KIF21A: variants seen among roughly 807,000 people sequenced by gnomAD.
The protein encoded by KIF21A is kinesin family member 21A, also known as kinesin-like protein KIF21A.
A neutral mutation model predicts 202.9 loss-of-function variants in KIF21A; 114 were observed. The observed-to-expected ratio is 0.56, with a 90% CI of 0.48 to 0.66. The LOEUF (loss-of-function observed/expected upper bound fraction) is 0.66. Among genes scored for constraint, KIF21A ranks in the 30% least tolerant of loss-of-function variants. The pLI, the probability that KIF21A is intolerant of heterozygous loss-of-function variation, is 0.00. For missense variants in KIF21A, 1,677 were observed against 1,994.9 expected (o/e 0.84, Z 3.04); for synonymous variants, 667 against 670.8 (o/e 0.99, Z 0.09).
chr12:39,423,556 A>G (rs1954482787), intron 1 of KIF21A, among the ~76,000 whole-genome samples: 1 of 152,018 alleles, frequency 6.6e-6, no homozygotes, highest in South Asian at 2.1e-4. Flanking sequence ...TTTGTTAAAA[A>G]AAAAAAATGC....
At chr12:39,433,845 T>C (rs73094416) in intron 1 of KIF21A, among the ~76,000 whole-genome samples, 19 of 152,126 alleles carry the variant, frequency 1.2e-4, no homozygotes, top group Non-Finnish European at 2.8e-4. Context: ...AGAATAAGGA[T>C]CTTGGAAGTA....
rs763062854 is a variant in KIF21A at position 39,337,114 on chromosome 12, C to G, written c.2400G>C (p.Lys800Asn). The G allele has an allele frequency of 6.2e-6, 10 of 1,605,062 alleles. No individual in the cohort carries two copies. Among genetic ancestry groups the G allele is most frequent in the Non-Finnish European group, 8.5e-7 (1 of 1,173,214 alleles). ...RRNREIAQLK[K>N]DQRKRDHQLR... ...CACTTACATCTCTTTTACGTTGATC[C>G]TTTTTCAACTGAGCAATCTCTCTGT... is the stretch of plus-strand genomic sequence containing the variant. Residue 800 changes from lysine to asparagine, a missense_variant, in exon 17 of 38, where the codon AAG becomes AAC. Lys to Asn is a moderately conservative substitution (Grantham distance 94). Coordinates refer to ENST00000361418, the MANE Select transcript of KIF21A (RefSeq NM_001173464.2).
intron 11 of KIF21A, among the ~76,000 whole-genome samples, chr12:39,348,438 A>G (rs953657025): frequency 1.3e-5 from 2 of 152,092 alleles, no homozygotes; most frequent in Non-Finnish European, 2.9e-5. Context: ...AAAACCTCAC[A>G]TATTAGCTAT....
At chr12:39,304,004 T>A (rs80149868) in intron 35 of KIF21A, among the ~76,000 whole-genome samples, 2,281 of 152,330 alleles carry the variant, frequency 0.015, 47 homozygotes, top group African/African-American at 0.051. Flanking sequence ...ATCTATGATC[T>A]AACTCCTCCT....
chr12:39,441,587 G>A (rs1939587221), intron 1 of KIF21A, among the ~76,000 whole-genome samples: 1 of 129,970 alleles, frequency 7.7e-6, no homozygotes, highest in South Asian at 2.3e-4. Context: ...AACGAAGAAG[G>A]CCTAATTAAA....
chr12:39,338,496 T>C (rs752448834), intron 16 of KIF21A, among the ~76,000 whole-genome samples: 8 of 152,182 alleles, frequency 5.3e-5, no homozygotes, highest in Non-Finnish European at 1.2e-4. Flanking sequence ...ATTGATAAAG[T>C]CCACAGCAGT....
In KIF21A at chr12:39,340,188, C is replaced by G; in HGVS notation, c.2287G>C (p.Val763Leu). ...EKQLKKLQQD[V>L]MEMKKTKVRL... is the part of the protein sequence containing the mutation. ...ACCTTTGTTTTTTTCATTTCCATCA[C>G]ATCCTGCTGCAATTTCTTCAATTGC... Residue 763 changes from valine to leucine, a missense_variant, in exon 16 of 38, where the codon GTG (valine) becomes CTG (leucine). By Grantham distance (32) the Val-to-Leu change is conservative. Around this residue, in one of 3 missense-constraint regions of KIF21A, gnomAD observed 966 missense variants for 1,180.9 expected, o/e 0.82. Coordinates refer to ENST00000361418, the MANE Select transcript of KIF21A (RefSeq NM_001173464.2). The G allele has an allele frequency of 6.2e-7, 1 of 1,612,720 alleles. No individual in the cohort carries two copies. The highest frequency in any genetic ancestry group is 8.5e-7 in the Non-Finnish European group (1 of 1,179,328).
chr12:39,403,436 A>T (rs1388642547), intron 1 of KIF21A, among the ~76,000 whole-genome samples: 1 of 152,210 alleles, frequency 6.6e-6, no homozygotes, highest in Non-Finnish European at 1.5e-5. Flanking sequence ...CATATTTAAA[A>T]ATGTACACAC....
intron 36 of KIF21A, 120 bp downstream of exon 36, chr12:39,302,845 G>T: frequency 1.1e-6 from 1 of 883,850 alleles, no homozygotes; most frequent in Admixed American, 1.8e-5. Context: ...TTAAGAAAAA[G>T]GCCTGATTAA....
chr12:39,368,054 T>A (rs770914332), intron 3 of KIF21A, 22 bp from the exon 4 acceptor site: 2 of 1,489,450 alleles, frequency 1.3e-6, no homozygotes, highest in South Asian at 2.3e-5. Flanking sequence ...ATATTAGAAA[T>A]CTAATTTTAG....
At chr12:39,359,557 G>C (rs763407746) in intron 7 of KIF21A, among the ~76,000 whole-genome samples, 1 of 152,104 alleles carries the variant, frequency 6.6e-6, no homozygotes, top group Non-Finnish European at 1.5e-5. Flanking sequence ...TTTACTGGGG[G>C]TCAGAAAGTT....
At chr12:39,389,265 T>C (rs1334571681) in intron 1 of KIF21A, among the ~76,000 whole-genome samples, 1 of 150,984 alleles carries the variant, frequency 6.6e-6, no homozygotes, top group African/African-American at 2.4e-5. Flanking sequence ...AGAAAAATAG[T>C]TAATAATATT....
At chr12:39,300,687 A>C (rs941922046) in intron 37 of KIF21A, among the ~76,000 whole-genome samples, 3 of 151,182 alleles carry the variant, frequency 2.0e-5, no homozygotes, top group Non-Finnish European at 3.0e-5. Flanking sequence ...TTCAAAGTAC[A>C]TATATATATG....
At chr12:39,307,260 T>C (rs1483859263) in intron 34 of KIF21A, among the ~76,000 whole-genome samples, 1 of 152,152 alleles carries the variant, frequency 6.6e-6, no homozygotes, top group African/African-American at 2.4e-5. Flanking sequence ...AGGATGAGAA[T>C]CTTGACCTCT....
Position 39,358,161 on chromosome 12 carries a change from C to A in KIF21A, c.1215+17G>T. ...TTAGATGTATCACAAAATGCAAAGTCAAACTCATTAGCTTACTGTTTTGTA... is the reference window on the plus strand; with the variant it reads ...TTAGATGTATCACAAAATGCAAAGTAAAACTCATTAGCTTACTGTTTTGTA... On this transcript the variant is annotated intron_variant, in intron 8 of 37. Coordinates refer to ENST00000361418, the MANE Select transcript of KIF21A (RefSeq NM_001173464.2). 8.1e-6 allele frequency: 13 copies of A among 1,611,906 alleles called. No homozygotes were observed. The highest frequency in any genetic ancestry group is 1.1e-5 in the Non-Finnish European group (13 of 1,178,086).
chr12:39,311,706 A>G (rs1316668407), intron 31 of KIF21A, 153 bp from the exon 32 acceptor site: 6 of 727,972 alleles, frequency 8.2e-6, no homozygotes, highest in South Asian at 1.6e-5. Context: ...GCAAAAGGAC[A>G]AAGTGTGAAA....
At chr12:39,313,187 T>C (rs938836502) in intron 31 of KIF21A, among the ~76,000 whole-genome samples, 1 of 151,804 alleles carries the variant, frequency 6.6e-6, no homozygotes, top group Non-Finnish European at 1.5e-5. Context: ...GCAAAATCCT[T>C]GTCAGTGCTC....
Position 39,357,832 on chromosome 12 carries a change from C to G in KIF21A, c.1215+346G>C, listed in dbSNP as rs535785949. 1.2e-4 allele frequency among the ~76,000 whole-genome samples: 17 copies of G among 139,090 alleles called. No individual in the cohort carries two copies. The South Asian group carries it at 4.0e-3, about 33-fold the overall frequency. 91.2% of individuals were successfully genotyped at this position (139,090 alleles called of 152,430 possible). On this transcript the variant is annotated intron_variant, in intron 8 of 37. Transcript: ENST00000361418. ...GGCTGAGACAGGAGAATCATTTAAC[C>G]CGGGAGGCGGAAGTTGCAGTGAGCC...
intron 37 of KIF21A, among the ~76,000 whole-genome samples, chr12:39,295,492 A>C (rs1483638222): frequency 2.0e-5 from 3 of 152,168 alleles, no homozygotes; most frequent in Non-Finnish European, 4.4e-5. Context: ...AATGTAACAC[A>C]GCAAAGGCTT....
Sources: allele counts gnomAD v4.1 joint callset (sites outside exome capture counted in the v4.1 genomes callset), GRCh38; gene constraint gnomAD v4.1.1; regional missense constraint gnomAD v4.1.1; transcripts MANE v1.5; gene names NCBI Gene and HGNC (gene_info 2026-07-23, HGNC 2026-07-21).